The following MFSD2B variants were observed in gnomAD, a reference collection of about 807,000 sequenced individuals.
MFSD2B encodes the protein sphingosine-1-phosphate transporter MFSD2B.
In MFSD2B, 56 loss-of-function variants were observed where a neutral mutation model predicts 58.4. The observed-to-expected ratio is 0.96, with a 90% CI of 0.77 to 1.20. MFSD2B has a LOEUF of 1.20. Among genes scored for constraint, MFSD2B ranks in the 50% most tolerant of loss-of-function variants. The pLI is 0.00. For missense variants in MFSD2B, 645 were observed against 667.6 expected, an observed-to-expected ratio of 0.97 and a Z score of 0.37; for synonymous variants, 287 against 294.4, an observed-to-expected ratio of 0.97 and a Z score of 0.26.
chr2:24,023,247 G>A lies in MFSD2B; in HGVS notation c.1169+8G>A. On this transcript the variant is annotated splice_region_variant and intron_variant, in intron 11 of 13. Transcript: ENST00000338315. The surrounding 1 kb of genome is among the most constrained non-coding windows in gnomAD (Gnocchi z 5.0). The stretch of plus-strand genomic sequence containing the variant: ...GTCCTTGCTGCTACCCTGGTAGGCT[G>A]GGTGTGGGGGCCTCACGTGTGTCCA... 6.2e-7 allele frequency: 1 copy of A among 1,608,526 alleles called. No individual in the cohort carries two copies. The highest frequency in any genetic ancestry group is 8.5e-7 in the Non-Finnish European group (1 of 1,175,566).
Position 24,024,360 on chromosome 2 carries a change from T to C in MFSD2B, c.1490+89T>C, listed in dbSNP as rs1013887937. 8.9e-5 allele frequency: 119 copies of C among 1,338,158 alleles called. No homozygotes were observed. The highest frequency in any genetic ancestry group is 7.0e-4 in the Admixed American group (33 of 47,238). The allele number at this position is 1,338,158 out of a possible 1,614,324, so 82.9% of individuals were successfully genotyped here. On this transcript the variant is annotated intron_variant, in intron 13 of 13. Transcript: ENST00000338315. This position sits in a 1 kb window ranked among gnomAD's most constrained non-coding sequence, Gnocchi z 4.3. ...CACCAGCCTGCAGACATCCCTGCTGTGTCACACAGTCCTGCCTCTGGGACC... is the reference window on the plus strand; with the variant it reads ...CACCAGCCTGCAGACATCCCTGCTGCGTCACACAGTCCTGCCTCTGGGACC...
Position 24,024,581 on chromosome 2 carries a change from T to C in MFSD2B, c.1490+310T>C, listed in dbSNP as rs894680665. Among the ~76,000 whole-genome samples the C allele has an allele frequency of 3.3e-5, 5 of 152,078 alleles. No individual in the cohort carries two copies. Among genetic ancestry groups the C allele is most frequent in the African/African-American group, 4.8e-5 (2 of 41,420 alleles). On this transcript the variant is annotated intron_variant, in intron 13 of 13. Transcript: ENST00000338315. The surrounding 1 kb of genome is among the most constrained non-coding windows in gnomAD (Gnocchi z 4.3). ...TAGCCTGACCCAACTCAGGCACTCC[T>C]TGTGCCTGGTGACTGCTAGAGCTGC...
At position 24,012,584 on chromosome 2, in the gene MFSD2B, T is replaced by C. The variant is rs1007745197; in HGVS notation, c.97-701T>C. ...ACTGGCTGCTGGGTGGAGTGGATTGTAGGGAGCAAGGGCAGACACAGAAGC... is the reference window on the plus strand; with the variant it reads ...ACTGGCTGCTGGGTGGAGTGGATTGCAGGGAGCAAGGGCAGACACAGAAGC... On this transcript the variant is annotated intron_variant, in intron 1 of 13. Coordinates refer to ENST00000338315, the MANE Select transcript of MFSD2B (RefSeq NM_001346880.2). This position sits in a 1 kb window ranked among gnomAD's most constrained non-coding sequence, Gnocchi z 4.5. 2.6e-5 allele frequency among the ~76,000 whole-genome samples: 4 copies of C among 152,028 alleles called. No individual in the cohort carries two copies. Among genetic ancestry groups the C allele is most frequent in the Non-Finnish European group, 5.9e-5 (4 of 68,002 alleles).
At position 24,024,068 on chromosome 2, in the gene MFSD2B, C is replaced by T. The variant is rs569950030; in HGVS notation, c.1314-27C>T. The stretch of plus-strand genomic sequence containing the variant: ...GGGTGCCAGGCTCAGCAGGCCCTGC[C>T]CTAATGGCTGGCTGATGTTTCTCCA... On this transcript the variant is annotated intron_variant, in intron 12 of 13. Transcript: ENST00000338315. This position sits in a 1 kb window ranked among gnomAD's most constrained non-coding sequence, Gnocchi z 4.3. 1.2e-6 allele frequency: 2 copies of T among 1,611,428 alleles called. No homozygotes were observed. Among genetic ancestry groups the T allele is most frequent in the African/African-American group, 1.3e-5 (1 of 74,994 alleles).
intron 6 of MFSD2B, among the ~76,000 whole-genome samples, chr2:24,019,232 C>T (rs528048597): frequency 1.3e-5 from 2 of 152,274 alleles, no homozygotes; most frequent in African/African-American, 4.8e-5. Context: ...GGACCAGCAG[C>T]ATCAGCAACA....
chr2:24,021,601 C>T lies in MFSD2B; in HGVS notation c.682-47C>T. 6.5e-7 allele frequency: 1 copy of T among 1,548,266 alleles called. No individual in the cohort carries two copies. The highest frequency in any genetic ancestry group is 8.8e-7 in the Non-Finnish European group (1 of 1,133,274). On this transcript the variant is annotated intron_variant, in intron 6 of 13. Coordinates refer to ENST00000338315, the MANE Select transcript of MFSD2B (RefSeq NM_001346880.2). The surrounding 1 kb of genome is among the most constrained non-coding windows in gnomAD (Gnocchi z 5.7). Reference sequence around the variant, plus strand: ...CCCTGCCCCTCCGGTGTCACCACCTCCAGGGGTTGAAGACATCACCCATCC... The same window carrying T: ...CCCTGCCCCTCCGGTGTCACCACCTTCAGGGGTTGAAGACATCACCCATCC...
At chr2:24,014,019 GT>G (rs1176590284) in intron 2 of MFSD2B, among the ~76,000 whole-genome samples, 22 of 120,940 alleles carry the variant, frequency 1.8e-4, no homozygotes, top group Admixed American at 2.5e-4. Flanking sequence ...TTTGTTGTTT[GT>G]TTTTTTTTTT....
Position 24,017,541 on chromosome 2 carries a change from T to G in MFSD2B, c.634T>G (p.Cys212Gly). The change falls in exon 6 of 14, where the codon TGC (cysteine) becomes GGC (glycine). Residue 212 changes from cysteine to glycine, a missense_variant. Transcript: ENST00000338315. The surrounding 1 kb of genome is among the most constrained non-coding windows in gnomAD (Gnocchi z 4.8). Reference sequence around the variant, plus strand: ...GTCCGGCGCCCACAGACCCCACAGGTGCGAGGCCACTGCGACCCCGGGGCC... The same window carrying G: ...GTCCGGCGCCCACAGACCCCACAGGGGCGAGGCCACTGCGACCCCGGGGCC... ...IVSGAHRPHR[C>G]EATATPGPVT... 1.3e-6 allele frequency: 2 copies of G among 1,572,814 alleles called. No homozygotes were observed. Among genetic ancestry groups the G allele is most frequent in the South Asian group, 2.3e-5 (2 of 85,662 alleles).
chr2:24,017,560 C>T lies in MFSD2B; in HGVS notation c.653C>T (p.Pro218Leu), dbSNP rs528622483. The change falls in exon 6 of 14, where the codon CCG becomes CTG. Residue 218 changes from proline to leucine, a missense_variant. Transcript: ENST00000338315. The surrounding 1 kb of genome is among the most constrained non-coding windows in gnomAD (Gnocchi z 4.8). ...CACAGGTGCGAGGCCACTGCGACCC[C>T]GGGGCCAGTCACTGTCTCCCCGAAT... ...RPHRCEATATPGPVTVSPNAA... is the reference protein window; with the variant it reads ...RPHRCEATATLGPVTVSPNAA... The T allele has an allele frequency of 7.5e-5, 117 of 1,562,700 alleles. No individual in the cohort carries two copies. The highest frequency in any genetic ancestry group is 3.6e-4 in the Middle Eastern group (2 of 5,486).
chr2:24,017,424 C>T lies in MFSD2B; in HGVS notation c.551-34C>T. ...GCAACTGCCCCTGGGACCCCACTCC[C>T]TCTCAGTCACCTTAAGTGGCACTCT... On this transcript the variant is annotated intron_variant, in intron 5 of 13. Coordinates refer to ENST00000338315, the MANE Select transcript of MFSD2B (RefSeq NM_001346880.2). This position sits in a 1 kb window ranked among gnomAD's most constrained non-coding sequence, Gnocchi z 4.8. 2 of 1,597,234 alleles carry T rather than the reference C, an allele frequency of 1.3e-6. No homozygotes were observed. The highest frequency in any genetic ancestry group is 1.7e-4 in the Middle Eastern group (1 of 6,040).
intron 2 of MFSD2B, among the ~76,000 whole-genome samples, chr2:24,015,873 C>T (rs535825288): frequency 1.3e-5 from 2 of 152,254 alleles, no homozygotes; most frequent in Non-Finnish European, 2.9e-5. Flanking sequence ...AGCCCAGAGG[C>T]ACCCTCCTTG....
In MFSD2B at chr2:24,026,002, C is replaced by G. The variant is rs1019185519; in HGVS notation, c.*546C>G. On this transcript the variant is annotated 3_prime_UTR_variant, in exon 14 of 14. Coordinates refer to ENST00000338315, the MANE Select transcript of MFSD2B (RefSeq NM_001346880.2). Reference sequence around the variant, plus strand: ...CCTCCCAAAGGCATGAGCCACCGTACTCGGCCTGCCCAGGCTGGTCTTAAA... The same window carrying G: ...CCTCCCAAAGGCATGAGCCACCGTAGTCGGCCTGCCCAGGCTGGTCTTAAA... The G allele has an allele frequency of 6.5e-6, 1 of 153,214 alleles. No individual in the cohort carries two copies. The highest frequency in any genetic ancestry group is 2.4e-5 in the African/African-American group (1 of 41,448). 9.5% of individuals were successfully genotyped at this position (153,214 alleles called of 1,614,324 possible). A position where few individuals can be genotyped will look rare whatever the true frequency, so the allele number is the denominator to read the frequency against.
intron 1 of MFSD2B, chr2:24,013,018 T>C (rs1258027677): frequency 3.1e-6 from 1 of 327,254 alleles, no homozygotes; most frequent in Non-Finnish European, 5.6e-6. Context: ...GCTGACTCAG[T>C]AAATGATGGC....
rs780288952 is a variant in MFSD2B at position 24,024,186 on chromosome 2, A to G, written c.1405A>G (p.Ile469Val). 1 of 1,613,700 alleles carries G rather than the reference A, an allele frequency of 6.2e-7. No individual in the cohort carries two copies. Among genetic ancestry groups the G allele is most frequent in the South Asian group, 1.1e-5 (1 of 91,032 alleles). The change falls in exon 13 of 14, where the codon ATC becomes GTC. Residue 469 changes from isoleucine (I) to valine (V), a missense_variant. Ile to Val is a conservative substitution (Grantham distance 29). Transcript: ENST00000338315. The surrounding 1 kb of genome is among the most constrained non-coding windows in gnomAD (Gnocchi z 4.3). Reference protein sequence around the residue: ...VLIGAVPTCMILAGLCILMVG... With the variant: ...VLIGAVPTCMVLAGLCILMVG... Reference sequence around the variant, plus strand: ...CATTGGCGCCGTGCCCACCTGCATGATCCTTGCTGGGCTCTGCATCCTCAT... The same window carrying G: ...CATTGGCGCCGTGCCCACCTGCATGGTCCTTGCTGGGCTCTGCATCCTCAT...
Position 24,024,897 on chromosome 2 carries a change from A to T in MFSD2B, c.1491-535A>T, listed in dbSNP as rs1662923702. On this transcript the variant is annotated intron_variant, in intron 13 of 13. Transcript: ENST00000338315. This position sits in a 1 kb window ranked among gnomAD's most constrained non-coding sequence, Gnocchi z 4.3. The stretch of plus-strand genomic sequence containing the variant: ...AACACCGACCCCACTGACGGGGAGG[A>T]TCTACTCACTGTCTGACCTTCCGGG... Among the ~76,000 whole-genome samples, 1 of 151,802 alleles carries T rather than the reference A, an allele frequency of 6.6e-6. No individual in the cohort carries two copies. The highest frequency in any genetic ancestry group is 1.9e-4 in the East Asian group (1 of 5,152).
Position 24,021,842 on chromosome 2 carries a change from G to A in MFSD2B, c.773-7G>A, listed in dbSNP as rs200363363. 250 of 1,613,864 alleles carry A rather than the reference G, an allele frequency of 1.5e-4. 2 individuals are homozygous for A. The East Asian group carries it at 5.0e-3, about 33-fold the overall frequency. On this transcript the variant is annotated splice_region_variant and splice_polypyrimidine_tract_variant and intron_variant, in intron 7 of 13. Transcript: ENST00000338315. The surrounding 1 kb of genome is among the most constrained non-coding windows in gnomAD (Gnocchi z 5.7). ...CGAAGCCAAGGTGACACGCTTCTGC[G>A]TTGCAGACCCCTCTGCCCCAGCCTC... is the stretch of plus-strand genomic sequence containing the variant.
chr2:24,013,695 G>A (rs1205818622), intron 2 of MFSD2B, among the ~76,000 whole-genome samples: 2 of 151,872 alleles, frequency 1.3e-5, no homozygotes, highest in Non-Finnish European at 1.5e-5. Flanking sequence ...AACCCGCGGC[G>A]GGACGGCTTT....
chr2:24,021,910 C>G lies in MFSD2B; in HGVS notation c.834C>G (p.Thr278=). The change falls in exon 8 of 14, where the codon ACC becomes ACG. Residue 278 remains threonine, a synonymous_variant. Transcript: ENST00000338315. The surrounding 1 kb of genome is among the most constrained non-coding windows in gnomAD (Gnocchi z 5.7). ...LSFLAGLSLT[T]RHPPYLKLVI... Reference sequence around the variant, plus strand: ...TCCTGGCTGGGCTGAGCCTCACTACCCGGCACCCACCCTACCTGAAGCTGG... The same window carrying G: ...TCCTGGCTGGGCTGAGCCTCACTACGCGGCACCCACCCTACCTGAAGCTGG... 1 of 1,613,992 alleles carries G rather than the reference C, an allele frequency of 6.2e-7. No homozygotes were observed. The highest frequency in any genetic ancestry group is 8.5e-7 in the Non-Finnish European group (1 of 1,179,860).
Position 24,023,351 on chromosome 2 carries a change from C to A in MFSD2B, c.1169+112C>A. On this transcript the variant is annotated intron_variant, in intron 11 of 13. Coordinates refer to ENST00000338315, the MANE Select transcript of MFSD2B (RefSeq NM_001346880.2). This position sits in a 1 kb window ranked among gnomAD's most constrained non-coding sequence, Gnocchi z 5.0. ...AGCCTGTGCAGGAGATGGAGGCCAC[C>A]AGCTCCATCCTCAGAGCCCTCCTGA... The A allele has an allele frequency of 1.0e-6, 1 of 996,664 alleles. No individual in the cohort carries two copies. The highest frequency in any genetic ancestry group is 1.5e-6 in the Non-Finnish European group (1 of 646,648). 61.7% of individuals were successfully genotyped at this position (996,664 alleles called of 1,614,324 possible).
Sources: gnomAD v4.1 joint callset for allele counts (sites outside exome capture counted in the v4.1 genomes callset) on GRCh38, gnomAD v4.1.1 for gene constraint, Gnocchi (gnomAD v3.1) non-coding constraint, MANE v1.5 for transcripts, NCBI Gene and HGNC (gene_info 2026-07-23, HGNC 2026-07-21) for gene names.